Variants in TACC2 observed in about 807,000 individuals in gnomAD.
TACC2 encodes the protein transforming acidic coiled-coil-containing protein 2.
Under a neutral mutation model 227.3 loss-of-function variants are expected in TACC2, and 137 were observed. That is an observed-to-expected ratio of 0.60 (90% CI 0.52 to 0.69). The LOEUF is 0.69. Ranked by LOEUF, TACC2 falls within the 30% of genes least tolerant of loss-of-function variation. TACC2 has a pLI of 0.00. For missense variants in TACC2, 3,470 were observed against 3,694.4 expected (o/e 0.94, Z 1.57); for synonymous variants, 1,523 against 1,487.5 (o/e 1.02, Z -0.55).
intron 14 of TACC2, among the ~76,000 whole-genome samples, chr10:122,228,854 C>T (rs1007208295): frequency 2.6e-5 from 4 of 152,088 alleles, no homozygotes; most frequent in Admixed American, 6.6e-5. Context: ...GTCCATGGTT[C>T]GCCTTCTACA....
intron 2 of TACC2, among the ~76,000 whole-genome samples, chr10:122,049,247 C>G (rs1001841736): frequency 3.9e-5 from 6 of 152,232 alleles, no homozygotes; most frequent in Non-Finnish European, 7.3e-5. Context: ...TTGGCCCCAG[C>G]AGGGCTGCTC....
chr10:122,170,238 C>G (rs2093400132), intron 7 of TACC2, among the ~76,000 whole-genome samples: 1 of 144,320 alleles, frequency 6.9e-6, no homozygotes. Flanking sequence ...CCCAGGTGCT[C>G]AAACCAGAAA....
At chr10:122,096,096 C>G (rs544334486) in intron 5 of TACC2, among the ~76,000 whole-genome samples, 1 of 152,180 alleles carries the variant, frequency 6.6e-6, no homozygotes, top group African/African-American at 2.4e-5. Context: ...CCCTTCCTCC[C>G]GCTGGCTGGC....
intron 3 of TACC2, among the ~76,000 whole-genome samples, chr10:122,068,852 A>ACTTT (rs1565202947): frequency 1.2e-5 from 1 of 83,472 alleles, no homozygotes. Flanking sequence ...GTGACCTAGA[A>ACTTT]GTTTTTTTTT....
At chr10:122,052,617 A>G in intron 3 of TACC2, 1 of 143,618 alleles carries the variant, frequency 7.0e-6, no homozygotes, top group Non-Finnish European at 1.5e-5. Context: ...CAGGAGGTGG[A>G]GGTTGCAGTG....
intron 3 of TACC2, among the ~76,000 whole-genome samples, chr10:122,081,047 A>T (rs2079421591): frequency 6.6e-6 from 1 of 152,224 alleles, no homozygotes; most frequent in Non-Finnish European, 1.5e-5. Context: ...TAACAAGTAT[A>T]TAGAATCACA....
chr10:122,046,380 C>T (rs1446307216), intron 2 of TACC2, among the ~76,000 whole-genome samples: 2 of 147,692 alleles, frequency 1.4e-5, no homozygotes, highest in African/African-American at 2.5e-5. Flanking sequence ...AGGCTGAGGC[C>T]GGATAATCAC....
rs12776732 is a variant in TACC2, at chr10:122,201,041, C to T, written c.5971+5865C>T. ...ACAGTGAGAGGACGGCCACCTCACC[C>T]GCCCACAGTGGCCACATCTACAGTG... On this transcript the variant is annotated intron_variant, in intron 8 of 22. Transcript: ENST00000369005. 8.9e-3 allele frequency among the ~76,000 whole-genome samples: 782 copies of T among 87,430 alleles called. 9 individuals carry two copies. Among genetic ancestry groups the T allele is most frequent in the African/African-American group, 0.039 (689 of 17,578 alleles). The allele number at this position is 87,430 out of a possible 152,430, so 57.4% of individuals were successfully genotyped here.
At chr10:122,230,240 G>A (rs1439842317) in intron 15 of TACC2, 111 bp from the exon 16 acceptor site, 9 of 855,088 alleles carry the variant, frequency 1.1e-5, no homozygotes, top group Non-Finnish European at 1.8e-5. Context: ...TGTTTTTCCC[G>A]AGTGCCTGTC....
In TACC2 at chr10:122,087,324, T is replaced by C; in HGVS notation, c.4824T>C (p.Ser1608=). ...KQHQETSACD[S]PHGEDGPGDF... ...ACCAGGAAACATCTGCCTGCGACAG[T>C]CCACATGGAGAAGATGGTCCCGGGG... Residue 1608 remains serine (S), a synonymous_variant, in exon 4 of 23, where the codon AGT becomes AGC. Transcript: ENST00000369005. The C allele has an allele frequency of 6.2e-7, 1 of 1,613,960 alleles. No individual in the cohort carries two copies. The highest frequency in any genetic ancestry group is 2.2e-5 in the East Asian group (1 of 44,878).
Position 122,149,582 on chromosome 10 carries a change from G to C in TACC2, c.5834+5876G>C, listed in dbSNP as rs552323882. On this transcript the variant is annotated intron_variant, in intron 7 of 22. Coordinates refer to ENST00000369005, the MANE Select transcript of TACC2 (RefSeq NM_206862.4). ...TCCAAGACTCCAGAGTTTTTCCTGC[G>C]CAGGAGGGGAAGGGCAGAAACCTCC... Among the ~76,000 whole-genome samples the C allele has an allele frequency of 6.6e-5, 10 of 151,466 alleles. 1 individual carries two copies. In the East Asian group the frequency reaches 2.0e-3, roughly 30 times the overall value.
chr10:122,243,456 T>C (rs1209785073), intron 19 of TACC2, among the ~76,000 whole-genome samples: 1 of 152,208 alleles, frequency 6.6e-6, no homozygotes, highest in East Asian at 1.9e-4. Flanking sequence ...AATTGAGTGC[T>C]TTCCATTCAA....
chr10:122,061,172 G>A (rs769217739), intron 3 of TACC2, among the ~76,000 whole-genome samples: 1 of 151,644 alleles, frequency 6.6e-6, no homozygotes, highest in East Asian at 1.9e-4. Flanking sequence ...TTAGCCGGGC[G>A]TGGTGGCAGG....
At position 122,087,570 on chromosome 10, in the gene TACC2, C is replaced by T; in HGVS notation, c.5070C>T (p.Asp1690=). ...CACCACCAACTGGAGAAGTGGCAGA[C>T]ACTCCCCTGGAGCCTGGCAAGGTGG... ...TPAPPTGEVA[D]TPLEPGKVAG... The change falls in exon 4 of 23, where the codon GAC becomes GAT. Residue 1690 remains aspartate, a synonymous_variant. Transcript: ENST00000369005. The T allele has an allele frequency of 6.2e-7, 1 of 1,613,758 alleles. No homozygotes were observed. The highest frequency in any genetic ancestry group is 8.5e-7 in the Non-Finnish European group (1 of 1,180,040).
intron 7 of TACC2, among the ~76,000 whole-genome samples, chr10:122,192,059 C>G (rs1381438817): frequency 6.6e-6 from 1 of 152,176 alleles, no homozygotes; most frequent in Non-Finnish European, 1.5e-5. Context: ...ATTAAAAAAG[C>G]TGCCATCCAC....
chr10:122,135,635 C>T (rs1050099159), intron 6 of TACC2, among the ~76,000 whole-genome samples: 46 of 152,174 alleles, frequency 3.0e-4, no homozygotes, highest in African/African-American at 1.0e-3. Context: ...TCACCAGATG[C>T]CTCTGTAAAA....
At chr10:122,108,972 A>T (rs891032099) in intron 5 of TACC2, among the ~76,000 whole-genome samples, 1 of 152,050 alleles carries the variant, frequency 6.6e-6, no homozygotes, top group African/African-American at 2.4e-5. Flanking sequence ...TGACCTCGTG[A>T]TCCGCCCACC....
rs1184517130 is a variant in TACC2, at chr10:122,180,579, C to A, written c.5835-14461C>A. Reference sequence around the variant, plus strand: ...GGTCTCGATCTCCTGACCTTGTGATCCACCTGCCTCGGCGTCCCGAAGTGC... The same window carrying A: ...GGTCTCGATCTCCTGACCTTGTGATACACCTGCCTCGGCGTCCCGAAGTGC... On this transcript the variant is annotated intron_variant, in intron 7 of 22. Coordinates refer to ENST00000369005, the MANE Select transcript of TACC2 (RefSeq NM_206862.4). The surrounding 1 kb of genome is among the most constrained non-coding windows in gnomAD (Gnocchi z 4.5). 2.0e-5 allele frequency among the ~76,000 whole-genome samples: 3 copies of A among 152,116 alleles called. No homozygotes were observed. Among genetic ancestry groups the A allele is most frequent in the Non-Finnish European group, 4.4e-5 (3 of 68,030 alleles).
At chr10:122,023,360 CAA>C (rs1356401315) in intron 2 of TACC2, 1 of 152,098 alleles carries the variant, frequency 6.6e-6, no homozygotes, top group Non-Finnish European at 1.5e-5. Flanking sequence ...AGCAAGAAAA[CAA>C]AGTGTCAAAA....
Sources: allele counts gnomAD v4.1 joint callset (sites outside exome capture counted in the v4.1 genomes callset), GRCh38; gene constraint gnomAD v4.1.1; non-coding constraint Gnocchi (gnomAD v3.1); transcripts MANE v1.5; gene names NCBI Gene and HGNC (gene_info 2026-07-23, HGNC 2026-07-21).